Variants in EXT1 observed in about 807,000 individuals in gnomAD.
The protein encoded by EXT1 is exostosin-1.
EXT1 carries 20 observed loss-of-function variants against 82.5 expected under a neutral mutation model. That is an observed-to-expected ratio of 0.24 (90% CI 0.17 to 0.35). The LOEUF (loss-of-function observed/expected upper bound fraction) is 0.35. Among genes scored for constraint, EXT1 ranks in the 10% least tolerant of loss-of-function variants. The pLI is 1.00. For synonymous variants in EXT1, 348 were observed against 350.8 expected (o/e 0.99, Z 0.09); for missense variants, 757 against 936.5 (o/e 0.81, Z 2.50).
At chr8:118,019,715 C>T (rs566523360) in intron 1 of EXT1, among the ~76,000 whole-genome samples, 136 of 152,296 alleles carry the variant, frequency 8.9e-4, no homozygotes, top group Admixed American at 1.8e-3. Context: ...TAAGCACTCG[C>T]TATGTATTAA....
At chr8:118,081,926 G>C (rs1437921702) in intron 1 of EXT1, among the ~76,000 whole-genome samples, 1 of 152,120 alleles carries the variant, frequency 6.6e-6, no homozygotes, top group Non-Finnish European at 1.5e-5. Context: ...ACAAAAAATT[G>C]CAAGGTTTTA....
intron 1 of EXT1, among the ~76,000 whole-genome samples, chr8:117,903,886 T>C (rs1237593233): frequency 6.6e-6 from 1 of 152,226 alleles, no homozygotes. Flanking sequence ...TGGCAGAAGC[T>C]GGGAACAGTC....
chr8:117,909,129 C>T (rs936283260), intron 1 of EXT1, among the ~76,000 whole-genome samples: 1 of 98,904 alleles, frequency 1.0e-5, no homozygotes, highest in African/African-American at 2.6e-5. Flanking sequence ...GAGACTCTGT[C>T]TCAAAAAAAA....
intron 8 of EXT1, among the ~76,000 whole-genome samples, chr8:117,809,412 G>A (rs1377201989): frequency 2.0e-5 from 3 of 151,294 alleles, no homozygotes; most frequent in Admixed American, 2.0e-4. Flanking sequence ...TGAGGTGGGC[G>A]GATCACTTGA....
intron 1 of EXT1, among the ~76,000 whole-genome samples, chr8:117,991,876 T>G (rs1422467897): frequency 1.3e-5 from 2 of 152,218 alleles, no homozygotes; most frequent in South Asian, 4.1e-4. Context: ...AATATCTTTT[T>G]AAGACTCACT....
At chr8:117,983,734 T>C (rs1230896261) in intron 1 of EXT1, among the ~76,000 whole-genome samples, 1 of 152,222 alleles carries the variant, frequency 6.6e-6, no homozygotes, top group African/African-American at 2.4e-5. Flanking sequence ...ATGTGTTTAC[T>C]GCAAAGGGCT....
chr8:117,886,507 G>C (rs1175271568), intron 1 of EXT1, among the ~76,000 whole-genome samples: 1 of 152,216 alleles, frequency 6.6e-6, no homozygotes, highest in Non-Finnish European at 1.5e-5. Flanking sequence ...AAAGCAGTTA[G>C]GTTGTTGACT....
intron 4 of EXT1, among the ~76,000 whole-genome samples, chr8:117,828,666 T>G (rs1032587364): frequency 3.3e-5 from 5 of 152,230 alleles, no homozygotes; most frequent in African/African-American, 1.2e-4. Flanking sequence ...ACAACTCAAT[T>G]GATTTTAATT....
At chr8:117,989,505 A>G (rs1815391533) in intron 1 of EXT1, among the ~76,000 whole-genome samples, 1 of 152,164 alleles carries the variant, frequency 6.6e-6, no homozygotes, top group African/African-American at 2.4e-5. Context: ...GCAGTACTCA[A>G]TAGCTCTTTT....
chr8:117,837,034 G>T, intron 2 of EXT1, 74 bp downstream of exon 2: 2 of 964,350 alleles, frequency 2.1e-6, no homozygotes, highest in Non-Finnish European at 3.4e-6. Flanking sequence ...TCCCAGGAGA[G>T]GTGATAATGT....
At chr8:117,825,308 C>A (rs1811992096) in intron 4 of EXT1, among the ~76,000 whole-genome samples, 1 of 152,080 alleles carries the variant, frequency 6.6e-6, no homozygotes. Flanking sequence ...TTCATTTCAC[C>A]ATATAGAAAG....
At chr8:118,069,588 T>G (rs1817051620) in intron 1 of EXT1, among the ~76,000 whole-genome samples, 1 of 152,080 alleles carries the variant, frequency 6.6e-6, no homozygotes, top group Non-Finnish European at 1.5e-5. Flanking sequence ...TTAGCGGAGA[T>G]AGAAAAAGAG....
chr8:118,079,108 T>C (rs934310299), intron 1 of EXT1, among the ~76,000 whole-genome samples: 4 of 152,168 alleles, frequency 2.6e-5, no homozygotes, highest in African/African-American at 4.8e-5. Flanking sequence ...CACAATTAGA[T>C]ATACTGACGA....
intron 1 of EXT1, among the ~76,000 whole-genome samples, chr8:117,987,629 A>G (rs745810914): frequency 1.4e-4 from 21 of 152,252 alleles, no homozygotes; most frequent in Non-Finnish European, 2.2e-4. Context: ...GATGTACGTT[A>G]AAGCTCAATT....
intron 1 of EXT1, among the ~76,000 whole-genome samples, chr8:118,015,356 C>T (rs1282012397): frequency 6.6e-6 from 1 of 152,144 alleles, no homozygotes; most frequent in African/African-American, 2.4e-5. Context: ...CACTTCTTCC[C>T]CGCAAAATGA....
chr8:117,933,374 G>A (rs1814099000), intron 1 of EXT1, among the ~76,000 whole-genome samples: 1 of 151,936 alleles, frequency 6.6e-6, no homozygotes, highest in Non-Finnish European at 1.5e-5. Flanking sequence ...AGCCTCCTGA[G>A]TAGCTGGATT....
intron 1 of EXT1, among the ~76,000 whole-genome samples, chr8:117,858,677 C>CAA (rs796273883): frequency 1.2e-5 from 1 of 83,838 alleles, no homozygotes; most frequent in African/African-American, 5.2e-5. Context: ...GACTCCATCT[C>CAA]AAAAAAAAAA....
chr8:117,818,332 T>A, intron 7 of EXT1, 103 bp downstream of exon 7: 1 of 900,546 alleles, frequency 1.1e-6, no homozygotes, highest in Non-Finnish European at 1.9e-6. Flanking sequence ...GAAAAAATAA[T>A]CCAGGAACAG....
At chr8:117,954,729 C>T (rs1229152733) in intron 1 of EXT1, among the ~76,000 whole-genome samples, 1 of 152,182 alleles carries the variant, frequency 6.6e-6, no homozygotes, top group Non-Finnish European at 1.5e-5. Flanking sequence ...CACCATCCAA[C>T]TCATATGTGG....
Sources: allele counts gnomAD v4.1 joint callset (sites outside exome capture counted in the v4.1 genomes callset), GRCh38; gene constraint gnomAD v4.1.1; transcripts MANE v1.5; gene names NCBI Gene and HGNC (gene_info 2026-07-23, HGNC 2026-07-21).